MYO9B: variants seen among roughly 807,000 people sequenced by gnomAD.
MYO9B encodes the protein unconventional myosin-IXb.
MYO9B carries 71 observed loss-of-function variants against 229.5 expected under a neutral mutation model. The ratio of observed to expected loss-of-function variants is 0.31; its 90% confidence interval spans 0.26 to 0.38. The LOEUF (loss-of-function observed/expected upper bound fraction) is 0.38, where lower values mean the gene tolerates loss of function less well. MYO9B is among the 10% of genes least tolerant of loss of function. MYO9B has a pLI of 1.00. For synonymous variants in MYO9B, 1,185 were observed against 1,235.8 expected (o/e 0.96, Z 0.86); for missense variants, 2,255 against 2,920.5 (o/e 0.77, Z 5.25).
intron 6 of MYO9B, 42 bp downstream of exon 6, chr19:17,154,457 A>T: frequency 1.3e-6 from 2 of 1,492,686 alleles, no homozygotes; most frequent in Non-Finnish European, 1.8e-6. Context: ...CAGAGCCTAC[A>T]GGGGGCACGC....
chr19:17,167,833 G>A (rs1345652057), intron 10 of MYO9B, 110 bp from the exon 11 acceptor site: 1 of 1,396,244 alleles, frequency 7.2e-7, no homozygotes, highest in Non-Finnish European at 9.6e-7. Flanking sequence ...CTATTTTGAA[G>A]CATTTCAGAT....
At chr19:17,106,784 T>G (rs2057796438) in intron 2 of MYO9B, among the ~76,000 whole-genome samples, 2 of 152,070 alleles carry the variant, frequency 1.3e-5, no homozygotes, top group South Asian at 4.1e-4. Context: ...AAAACTAGGC[T>G]GGGTGCAGTG....
In MYO9B at chr19:17,167,109, A is replaced by G. The variant is rs1211601333; in HGVS notation, c.1672-834A>G. The stretch of plus-strand genomic sequence containing the variant: ...TATTTATATTATACTTACTGGTTGA[A>G]CATCCCAAATCTGAAAATCCAAAAT... On this transcript the variant is annotated intron_variant, in intron 10 of 39. Coordinates refer to ENST00000682292, the MANE Select transcript of MYO9B (RefSeq NM_004145.4). Among the ~76,000 whole-genome samples, 6 of 148,160 alleles carry G rather than the reference A, an allele frequency of 4.0e-5. No homozygotes were observed. In the South Asian group the frequency reaches 1.0e-3, roughly 26 times the overall value.
intron 7 of MYO9B, chr19:17,157,701 G>A (rs8103970): frequency 0.77 from 116,836 of 152,532 alleles, 45,801 homozygotes; most frequent in African/African-American, 0.94. Flanking sequence ...ACAGCATAGC[G>A]TCTGTCGATC....
intron 8 of MYO9B, among the ~76,000 whole-genome samples, chr19:17,160,035 G>A (rs1021268890): frequency 2.6e-5 from 4 of 152,138 alleles, no homozygotes; most frequent in African/African-American, 9.7e-5. Flanking sequence ...TTGATCAGGT[G>A]CCTCCCTCTG....
At chr19:17,106,284 A>T (rs1199257580) in intron 2 of MYO9B, among the ~76,000 whole-genome samples, 1 of 152,086 alleles carries the variant, frequency 6.6e-6, no homozygotes, top group East Asian at 1.9e-4. Context: ...TGTGCATTAC[A>T]TTATATACCC....
chr19:17,076,242 C>T (rs931700116), intron 1 of MYO9B, among the ~76,000 whole-genome samples: 4 of 151,738 alleles, frequency 2.6e-5, no homozygotes, highest in East Asian at 2.0e-4. Context: ...GTGGGCAAGG[C>T]CAGGGGCGGG....
chr19:17,115,997 C>T (rs748180804), intron 2 of MYO9B, among the ~76,000 whole-genome samples: 22 of 143,120 alleles, frequency 1.5e-4, no homozygotes, highest in Non-Finnish European at 2.3e-4. Flanking sequence ...CCACAGGGTT[C>T]GGCGGAGCTA....
chr19:17,152,868 G>A, intron 4 of MYO9B, 162 bp downstream of exon 4: 1 of 623,082 alleles, frequency 1.6e-6, no homozygotes, highest in Non-Finnish European at 2.8e-6. Context: ...CTTCTCCCCA[G>A]ACCTGCCCCT....
In MYO9B at chr19:17,193,209, G is replaced by A; in HGVS notation, c.3128+147G>A. 1 of 949,218 alleles carries A rather than the reference G, an allele frequency of 1.1e-6. No homozygotes were observed. Among genetic ancestry groups the A allele is most frequent in the East Asian group, 2.9e-5 (1 of 33,964 alleles). The allele number at this position is 949,218 out of a possible 1,614,324, so 58.8% of individuals were successfully genotyped here. ...GGGAAAGGCTGGTGGGAAACCAGAT[G>A]CCTAGGCACTCATGGGCTGCAGAGA... On this transcript the variant is annotated intron_variant, in intron 21 of 39. Transcript: ENST00000682292. This position sits in a 1 kb window ranked among gnomAD's most constrained non-coding sequence, Gnocchi z 4.3.
chr19:17,078,415 C>T (rs2123415504), intron 1 of MYO9B, among the ~76,000 whole-genome samples: 1 of 152,246 alleles, frequency 6.6e-6, no homozygotes, highest in South Asian at 2.1e-4. Context: ...TGATGTGCGC[C>T]TGTAGTCCCA....
chr19:17,095,689 C>T (rs1190013499), intron 1 of MYO9B: 1 of 152,232 alleles, frequency 6.6e-6, no homozygotes, highest in Non-Finnish European at 1.5e-5. Context: ...TGAGTCGCTG[C>T]TTTCTATTCT....
chr19:17,088,263 A>G (rs1463022291), intron 1 of MYO9B, among the ~76,000 whole-genome samples: 1 of 152,066 alleles, frequency 6.6e-6, no homozygotes, highest in African/African-American at 2.4e-5. Context: ...CTGTGTGCAC[A>G]TGTCTCTTTT....
chr19:17,148,397 GA>G (rs2072439504), intron 3 of MYO9B, among the ~76,000 whole-genome samples: 1 of 152,108 alleles, frequency 6.6e-6, no homozygotes, highest in African/African-American at 2.4e-5. Context: ...GAAGCAACAG[GA>G]ATTATTCTCT....
intron 7 of MYO9B, 40 bp from the exon 8 acceptor site, chr19:17,159,355 A>T (rs373161004): frequency 2.6e-5 from 40 of 1,542,154 alleles, no homozygotes; most frequent in Non-Finnish European, 3.5e-5. Flanking sequence ...TAAGTCCTCC[A>T]TCTCCCTTTT....
chr19:17,191,105 C>T lies in MYO9B; in HGVS notation c.2697C>T (p.Thr899=), dbSNP rs752925896. The T allele has an allele frequency of 1.1e-5, 17 of 1,612,174 alleles. No individual in the cohort carries two copies. The highest frequency in any genetic ancestry group is 4.0e-5 in the African/African-American group (3 of 74,900). ...YSAKYTFQDF[T]EQFQVLLPKD... Reference sequence around the variant, plus strand: ...CCACCCAAATAACCTAGGATTTCACCGAGCAGTTCCAGGTGCTCCTGCCCA... The same window carrying T: ...CCACCCAAATAACCTAGGATTTCACTGAGCAGTTCCAGGTGCTCCTGCCCA... The change falls in exon 20 of 40, where the codon ACC becomes ACT. Residue 899 remains threonine (T), a synonymous_variant. Transcript: ENST00000682292.
chr19:17,166,893 C>T (rs1042764335), intron 10 of MYO9B, among the ~76,000 whole-genome samples: 1 of 152,080 alleles, frequency 6.6e-6, no homozygotes, highest in Non-Finnish European at 1.5e-5. Context: ...TTTGCTTTAT[C>T]CATTAGTGGG....
In MYO9B at chr19:17,193,379, C is replaced by A. The variant is rs541201046; in HGVS notation, c.3128+317C>A. ...GGGTTGGAGGGGCTGCCTGGACCAG[C>A]CCAACACTCACATGGAGCTGGGGCA... On this transcript the variant is annotated intron_variant, in intron 21 of 39. Transcript: ENST00000682292. This position sits in a 1 kb window ranked among gnomAD's most constrained non-coding sequence, Gnocchi z 4.3. Among the ~76,000 whole-genome samples the A allele has an allele frequency of 2.6e-4, 40 of 152,172 alleles. No individual in the cohort carries two copies. The highest frequency in any genetic ancestry group is 5.6e-4 in the Non-Finnish European group (38 of 68,028).
chr19:17,209,477 T>C, intron 35 of MYO9B, 109 bp from the exon 36 acceptor site: 1 of 1,215,226 alleles, frequency 8.2e-7, no homozygotes, highest in Non-Finnish European at 1.1e-6. Context: ...CACTGCTTGG[T>C]CTCTGAGCCT....
Sources: allele counts gnomAD v4.1 joint callset (sites outside exome capture counted in the v4.1 genomes callset), GRCh38; gene constraint gnomAD v4.1.1; non-coding constraint Gnocchi (gnomAD v3.1); transcripts MANE v1.5; gene names NCBI Gene and HGNC (gene_info 2026-07-23, HGNC 2026-07-21).